The following MCM9 variants were observed in gnomAD, a reference collection of about 807,000 sequenced individuals.
MCM9 encodes DNA helicase MCM9.
Under a neutral mutation model 72.8 loss-of-function variants are expected in MCM9, and 55 were observed. That is an observed-to-expected ratio of 0.76 (90% CI 0.61 to 0.95). The LOEUF is 0.95. MCM9 is among the 40% of genes least tolerant of loss of function. The pLI, the probability that MCM9 is intolerant of heterozygous loss-of-function variation, is 0.00. For missense variants in MCM9, 1,279 were observed against 1,377.0 expected (o/e 0.93, Z 1.13); for synonymous variants, 480 against 503.4 (o/e 0.95, Z 0.62).
intron 8 of MCM9, among the ~76,000 whole-genome samples, chr6:118,869,524 G>C (rs764430021): frequency 4.1e-5 from 5 of 122,170 alleles, no homozygotes; most frequent in Non-Finnish European, 6.6e-5. Context: ...AAAGAGAAAA[G>C]ATCCAAAGCA....
chr6:118,838,493 T>C (rs144847403), intron 9 of MCM9, among the ~76,000 whole-genome samples: 188 of 151,586 alleles, frequency 1.2e-3, no homozygotes, highest in African/African-American at 4.3e-3. Flanking sequence ...GGTTTCACCA[T>C]GTTAGCTAGG....
intron 8 of MCM9, among the ~76,000 whole-genome samples, chr6:118,881,780 C>G (rs954309856): frequency 1.3e-5 from 2 of 152,196 alleles, no homozygotes; most frequent in Non-Finnish European, 2.9e-5. Flanking sequence ...TAAGGGCATA[C>G]AGTAAATGAA....
intron 9 of MCM9, among the ~76,000 whole-genome samples, chr6:118,832,219 C>A (rs192570297): frequency 6.6e-6 from 1 of 152,148 alleles, no homozygotes; most frequent in African/African-American, 2.4e-5. Context: ...CATCACCATG[C>A]CCAGCTGATT....
intron 8 of MCM9, among the ~76,000 whole-genome samples, chr6:118,859,540 A>G (rs1032663110): frequency 2.6e-5 from 4 of 152,242 alleles, no homozygotes; most frequent in African/African-American, 7.2e-5. Context: ...GAAATTCATG[A>G]GCATAAACTT....
At chr6:118,830,858 A>G (rs1774492624) in intron 9 of MCM9, among the ~76,000 whole-genome samples, 1 of 152,226 alleles carries the variant, frequency 6.6e-6, no homozygotes. Context: ...CAATTAGTTT[A>G]CAACAGAACT....
At chr6:118,824,205 C>T (rs1029424629) in intron 13 of MCM9, among the ~76,000 whole-genome samples, 17 of 151,994 alleles carry the variant, frequency 1.1e-4, no homozygotes, top group Non-Finnish European at 1.9e-4. Flanking sequence ...AAGCAAATAG[C>T]TTTCAAAATT....
chr6:118,875,620 A>C (rs896279613), intron 8 of MCM9, among the ~76,000 whole-genome samples: 3 of 150,694 alleles, frequency 2.0e-5, no homozygotes, highest in African/African-American at 7.3e-5. Context: ...TGGGCAACAG[A>C]GTGAGACCCT....
chr6:118,923,759 A>G, intron 4 of MCM9, 52 bp downstream of exon 4: 2 of 1,505,068 alleles, frequency 1.3e-6, no homozygotes, highest in South Asian at 2.4e-5. Flanking sequence ...ATGTGCCCAT[A>G]GCTGAAAAAC....
chr6:118,814,586 T>A lies in MCM9; in HGVS notation c.*238A>T. The A allele has an allele frequency of 2.8e-6, 1 of 359,010 alleles. No individual in the cohort carries two copies. Among genetic ancestry groups the A allele is most frequent in the Non-Finnish European group, 5.0e-6 (1 of 201,648 alleles). The allele number at this position is 359,010 out of a possible 1,614,324, so 22.2% of individuals were successfully genotyped here. On this transcript the variant is annotated 3_prime_UTR_variant, in exon 14 of 14. Transcript: ENST00000619706. ...AATACAAGTACTCCATTTGTAAAAT[T>A]AAGCACAACATAATTAATTCAGCTC...
chr6:118,879,726 T>G (rs926091088), intron 8 of MCM9, among the ~76,000 whole-genome samples: 7 of 148,262 alleles, frequency 4.7e-5, no homozygotes, highest in African/African-American at 1.8e-4. Context: ...TGTTGGGACA[T>G]CAAATTAAAA....
rs528864225 is a variant in MCM9 at position 118,933,218 on chromosome 6, G to T, written c.-149-478C>A. On this transcript the variant is annotated intron_variant, in intron 1 of 13. Coordinates refer to ENST00000619706, the MANE Select transcript of MCM9 (RefSeq NM_017696.3). Reference sequence around the variant, plus strand: ...GTCCAAATAAGAAACACTTATTTGGGGCCGGGCGCAGTGGCTCACGCCTGT... The same window carrying T: ...GTCCAAATAAGAAACACTTATTTGGTGCCGGGCGCAGTGGCTCACGCCTGT... 5.9e-5 allele frequency among the ~76,000 whole-genome samples: 9 copies of T among 151,826 alleles called. No individual in the cohort carries two copies. In the East Asian group the frequency reaches 1.7e-3, roughly 29 times the overall value.
intron 8 of MCM9, among the ~76,000 whole-genome samples, chr6:118,860,901 T>G (rs1360119261): frequency 6.6e-6 from 1 of 152,212 alleles, no homozygotes; most frequent in Non-Finnish European, 1.5e-5. Context: ...GGATGTCGCT[T>G]TGCCAGCTGG....
intron 8 of MCM9, chr6:118,907,535 T>C: frequency 6.2e-7 from 1 of 1,613,570 alleles, no homozygotes; most frequent in Non-Finnish European, 8.5e-7. Context: ...ACAGATGCAT[T>C]ACCTTCAGCA....
chr6:118,813,589 A>G lies in MCM9; in HGVS notation c.*1235T>C, dbSNP rs1261109476. 6.6e-6 allele frequency: 1 copy of G among 152,214 alleles called. No individual in the cohort carries two copies. The highest frequency in any genetic ancestry group is 6.5e-5 in the Admixed American group (1 of 15,274). 9.4% of individuals were successfully genotyped at this position (152,214 alleles called of 1,614,324 possible). On this transcript the variant is annotated 3_prime_UTR_variant, in exon 14 of 14. Transcript: ENST00000619706. ...ATTAAACAAAATACATATAGTTTTGAGTATTCTATGTCCAAAAGTCCCTCT... is the reference window on the plus strand; with the variant it reads ...ATTAAACAAAATACATATAGTTTTGGGTATTCTATGTCCAAAAGTCCCTCT...
At chr6:118,901,404 G>A (rs1779791096) in intron 8 of MCM9, among the ~76,000 whole-genome samples, 1 of 152,046 alleles carries the variant, frequency 6.6e-6, no homozygotes, top group South Asian at 2.1e-4. Context: ...GTGTGGTCTT[G>A]GGTCATTGGA....
In MCM9 at chr6:118,843,692, A is replaced by ATATATGTATGTATATATATATGTG. The variant is rs1464258046; in HGVS notation, c.1325+12678_1325+12679insCACATATATATATACATACATATA. Among the ~76,000 whole-genome samples, 500 of 63,730 alleles carry ATATATGTATGTATATATATATGTG rather than the reference A, an allele frequency of 7.8e-3. 10 individuals carry two copies. Among genetic ancestry groups the ATATATGTATGTATATATATATGTG allele is most frequent in the Non-Finnish European group, 0.013 (453 of 35,218 alleles). 41.8% of individuals were successfully genotyped at this position (63,730 alleles called of 152,430 possible). ...TATGTATGTATATATATATGTGTAT[A>ATATATGTATGTATATATATATGTG]TATATATATATGTATGTATATATAT... is the stretch of plus-strand genomic sequence containing the variant. On this transcript the variant is annotated intron_variant, in intron 9 of 13. Coordinates refer to ENST00000619706, the MANE Select transcript of MCM9 (RefSeq NM_017696.3).
At chr6:118,887,657 T>G (rs1363279001) in intron 8 of MCM9, among the ~76,000 whole-genome samples, 1 of 151,736 alleles carries the variant, frequency 6.6e-6, no homozygotes, top group Non-Finnish European at 1.5e-5. Context: ...GCTTTTACAC[T>G]GCAAAGGACA....
At chr6:118,923,086 A>C (rs1562439536) in intron 4 of MCM9, among the ~76,000 whole-genome samples, 1 of 151,284 alleles carries the variant, frequency 6.6e-6, no homozygotes, top group African/African-American at 2.4e-5. Context: ...GAAAGACAGG[A>C]GTCTGAGTTC....
intron 8 of MCM9, among the ~76,000 whole-genome samples, chr6:118,857,328 T>C (rs1288403060): frequency 6.6e-6 from 1 of 152,206 alleles, no homozygotes; most frequent in Non-Finnish European, 1.5e-5. Context: ...TTGATTTTTA[T>C]TTGTCCTGTA....
Sources: gnomAD v4.1 joint callset for allele counts (sites outside exome capture counted in the v4.1 genomes callset) on GRCh38, gnomAD v4.1.1 for gene constraint, MANE v1.5 for transcripts, NCBI Gene and HGNC (gene_info 2026-07-23, HGNC 2026-07-21) for gene names.